Variants in HIVEP3 observed in about 807,000 individuals in gnomAD.
The protein encoded by HIVEP3 is HIVEP zinc finger 3, also known as transcription factor HIVEP3.
In HIVEP3, 49 loss-of-function variants were observed where a neutral mutation model predicts 152.8. That is an observed-to-expected ratio of 0.32 (90% confidence interval 0.26 to 0.41). The LOEUF is 0.41. Among genes scored for constraint, HIVEP3 ranks in the 10% least tolerant of loss-of-function variants. The probability of loss-of-function intolerance (pLI) is 1.00; values close to 1 mark genes in which losing one functional copy is unlikely to be tolerated. For missense variants in HIVEP3, 2,790 were observed against 3,103.3 expected (o/e 0.90, Z 2.40); for synonymous variants, 1,269 against 1,289.0 (o/e 0.98, Z 0.33).
At chr1:41,924,396 C>G (rs1644957431) in intron 1 of HIVEP3, among the ~76,000 whole-genome samples, 2 of 152,134 alleles carry the variant, frequency 1.3e-5, no homozygotes, top group Admixed American at 1.3e-4. Context: ...ACTACAACCA[C>G]CATGATGAGA....
rs2124049576 is a variant in HIVEP3, at chr1:41,662,753, C to A, written c.-720-33806G>T. 6.6e-6 allele frequency among the ~76,000 whole-genome samples: 1 copy of A among 151,938 alleles called. No homozygotes were observed. Among genetic ancestry groups the A allele is most frequent in the African/African-American group, 2.4e-5 (1 of 41,500 alleles). ...CGGCGCTGTCTTTTCCTCCTGGGCC[C>A]TCTAGGGAGGGCAGACAGGGAAGCC... On this transcript the variant is annotated intron_variant, in intron 2 of 8. Coordinates refer to ENST00000372583, the MANE Select transcript of HIVEP3 (RefSeq NM_024503.5). This position sits in a 1 kb window ranked among gnomAD's most constrained non-coding sequence, Gnocchi z 7.2.
intron 1 of HIVEP3, among the ~76,000 whole-genome samples, chr1:41,767,654 C>A (rs910043515): frequency 6.6e-6 from 1 of 152,226 alleles, no homozygotes; most frequent in Non-Finnish European, 1.5e-5. Flanking sequence ...ACTCTCCCTT[C>A]CAAATACCCG....
intron 1 of HIVEP3, among the ~76,000 whole-genome samples, chr1:41,715,414 G>A (rs1455726253): frequency 3.9e-5 from 6 of 152,180 alleles, no homozygotes; most frequent in Non-Finnish European, 7.3e-5. Context: ...GCGACCTGAA[G>A]GGGACCCACG....
At chr1:41,961,852 C>T (rs559225289) in intron 1 of HIVEP3, among the ~76,000 whole-genome samples, 65 of 152,384 alleles carry the variant, frequency 4.3e-4, no homozygotes, top group Middle Eastern at 3.4e-3. Context: ...AATAATATCA[C>T]TCTCCAATTA....
At chr1:41,524,472 G>A (rs1379242605) in intron 6 of HIVEP3, among the ~76,000 whole-genome samples, 6 of 152,088 alleles carry the variant, frequency 3.9e-5, no homozygotes, top group African/African-American at 1.4e-4. Context: ...GCACCAGGCT[G>A]GGCAGGCCAG....
intron 2 of HIVEP3, among the ~76,000 whole-genome samples, chr1:41,699,314 C>A (rs1246977139): frequency 6.6e-6 from 1 of 152,192 alleles, no homozygotes; most frequent in East Asian, 1.9e-4. Context: ...AGGGTTGGAG[C>A]AAGGCTCTCT....
Position 42,002,107 on chromosome 1 carries a change from T to TAATAA in HIVEP3, n.119+33695_119+33699dup, listed in dbSNP as rs1003799441. 2.6e-5 allele frequency among the ~76,000 whole-genome samples: 4 copies of TAATAA among 152,188 alleles called. No homozygotes were observed. The East Asian group carries it at 5.8e-4, about 22-fold the overall frequency. On this transcript the variant is annotated intron_variant and non_coding_transcript_variant, in intron 1 of 3. Transcript: ENST00000489103. ...AGGTCTTTATTTTTAAAAAATAAAA[T>TAATAA]AATAAAATAAAATAAAGGAGAATCA...
At chr1:41,713,283 T>G (rs774952084) in intron 1 of HIVEP3, among the ~76,000 whole-genome samples, 12 of 152,168 alleles carry the variant, frequency 7.9e-5, no homozygotes, top group African/African-American at 2.7e-4. Flanking sequence ...CTGGGTCTGC[T>G]CTTTGTCCCT....
At chr1:41,644,748 T>C (rs1239613940) in intron 2 of HIVEP3, among the ~76,000 whole-genome samples, 1 of 147,778 alleles carries the variant, frequency 6.8e-6, no homozygotes, top group Non-Finnish European at 1.5e-5. Context: ...GCTAGGCCTT[T>C]ATCATTCTCA....
Position 41,700,990 on chromosome 1 carries a change from G to A in HIVEP3, c.-795C>T. 1 of 983,384 alleles carries A rather than the reference G, an allele frequency of 1.0e-6. No individual in the cohort carries two copies. Among genetic ancestry groups the A allele is most frequent in the Non-Finnish European group, 1.2e-6 (1 of 828,052 alleles). The allele number at this position is 983,384 out of a possible 1,614,324, so 60.9% of individuals were successfully genotyped here. On this transcript the variant is annotated 5_prime_UTR_variant, in exon 2 of 9. Coordinates refer to ENST00000372583, the MANE Select transcript of HIVEP3 (RefSeq NM_024503.5). ...TAGAGCTTGGAGAACTGTGTTGGAGGGAGGCCTGTGGGAAGTAGAGAAAGT... is the reference window on the plus strand; with the variant it reads ...TAGAGCTTGGAGAACTGTGTTGGAGAGAGGCCTGTGGGAAGTAGAGAAAGT...
At position 42,032,139 on chromosome 1, in the gene HIVEP3, G is replaced by A. The variant is rs1255196150; in HGVS notation, n.119+3668C>T. Among the ~76,000 whole-genome samples, 4 of 152,186 alleles carry A rather than the reference G, an allele frequency of 2.6e-5. No homozygotes were observed. The East Asian group carries it at 7.7e-4, about 29-fold the overall frequency. Reference sequence around the variant, plus strand: ...CCCTACAAAATCAGAAAAAAGCGCAGCCAATGCGCCCCCGGCCCAACTCCA... The same window carrying A: ...CCCTACAAAATCAGAAAAAAGCGCAACCAATGCGCCCCCGGCCCAACTCCA... On this transcript the variant is annotated intron_variant and non_coding_transcript_variant, in intron 1 of 3. Transcript: ENST00000489103.
At chr1:41,667,944 G>A (rs1191693071) in intron 2 of HIVEP3, among the ~76,000 whole-genome samples, 1 of 152,178 alleles carries the variant, frequency 6.6e-6, no homozygotes, top group Non-Finnish European at 1.5e-5. Flanking sequence ...AATAGCTGAT[G>A]AAGTGAGGGA....
intron 1 of HIVEP3, among the ~76,000 whole-genome samples, chr1:41,889,114 C>A (rs1053632853): frequency 6.7e-6 from 1 of 148,420 alleles, no homozygotes; most frequent in African/African-American, 2.5e-5. Context: ...CAAACACACA[C>A]AAGCACCACA....
chr1:41,645,224 C>T (rs1178898435), intron 2 of HIVEP3, among the ~76,000 whole-genome samples: 1 of 152,196 alleles, frequency 6.6e-6, no homozygotes, highest in Non-Finnish European at 1.5e-5. Flanking sequence ...CCTTGTTCCT[C>T]TTGGACCCCC....
chr1:42,022,932 T>A (rs1273244257), intron 1 of HIVEP3, among the ~76,000 whole-genome samples: 1 of 152,244 alleles, frequency 6.6e-6, no homozygotes, highest in East Asian at 1.9e-4. Flanking sequence ...CACAAATTTC[T>A]TTTCCAGTGT....
At chr1:42,005,540 G>A (rs1302024010) in intron 1 of HIVEP3, among the ~76,000 whole-genome samples, 1 of 152,148 alleles carries the variant, frequency 6.6e-6, no homozygotes, top group Non-Finnish European at 1.5e-5. Flanking sequence ...AGGCTCAAAC[G>A]ATGGGGGGCT....
intron 2 of HIVEP3, among the ~76,000 whole-genome samples, chr1:41,677,893 C>T (rs1645980962): frequency 6.6e-6 from 1 of 152,116 alleles, no homozygotes; most frequent in Non-Finnish European, 1.5e-5. Flanking sequence ...TCCAGTCTCC[C>T]CTGCACAGTG....
intron 3 of HIVEP3, among the ~76,000 whole-genome samples, chr1:41,597,543 C>T (rs1644684924): frequency 6.6e-6 from 1 of 152,098 alleles, no homozygotes; most frequent in South Asian, 2.1e-4. Context: ...ATTATCATTC[C>T]CATTTTACAG....
At chr1:41,572,530 C>T (rs1644265837) in intron 5 of HIVEP3, among the ~76,000 whole-genome samples, 1 of 152,224 alleles carries the variant, frequency 6.6e-6, no homozygotes, top group Admixed American at 6.5e-5. Context: ...GCCATCCCCA[C>T]CTTAGCAGTG....
Sources: allele counts gnomAD v4.1 joint callset (sites outside exome capture counted in the v4.1 genomes callset), GRCh38; gene constraint gnomAD v4.1.1; non-coding constraint Gnocchi (gnomAD v3.1); transcripts MANE v1.5; gene names NCBI Gene and HGNC (gene_info 2026-07-23, HGNC 2026-07-21).